Variants in TUFT1 observed in about 807,000 individuals in gnomAD.
TUFT1 encodes the protein tuftelin.
Under a neutral mutation model 57.8 loss-of-function variants are expected in TUFT1, and 43 were observed. The ratio of observed to expected loss-of-function variants is 0.74; its 90% CI spans 0.58 to 0.96. The LOEUF is 0.96. TUFT1 is among the 40% of genes least tolerant of loss of function. The pLI is 0.00. For synonymous variants in TUFT1, 166 were observed against 176.7 expected (o/e 0.94, Z 0.48); for missense variants, 459 against 489.0 (o/e 0.94, Z 0.58).
chr1:151,575,869 G>A lies in TUFT1; in HGVS notation c.818+864G>A, dbSNP rs199906432. Among the ~76,000 whole-genome samples the A allele has an allele frequency of 7.9e-5, 12 of 152,174 alleles. No homozygotes were observed. In the East Asian group the frequency reaches 2.3e-3, roughly 29 times the overall value. On this transcript the variant is annotated intron_variant, in intron 9 of 12. Coordinates refer to ENST00000368849, the MANE Select transcript of TUFT1 (RefSeq NM_020127.3). ...CTTGGAGGCATTTTCTCTCCTTTAG[G>A]ATAACCTAGATTTGACCTTCCTGGC... is the stretch of plus-strand genomic sequence containing the variant.
rs1011658103 is a variant in TUFT1 at position 151,575,052 on chromosome 1, G to T, written c.818+47G>T. ...ACGGTGAAGTTGGGTTGCAGGGAGG[G>T]GAGGGCAGGCCATACAGCCTGTTGC... is the stretch of plus-strand genomic sequence containing the variant. On this transcript the variant is annotated intron_variant, in intron 9 of 12. Transcript: ENST00000368849. 7.9e-6 allele frequency: 12 copies of T among 1,512,746 alleles called. No individual in the cohort carries two copies. In the Admixed American group the frequency reaches 2.4e-4, roughly 30 times the overall value. 93.7% of individuals were successfully genotyped at this position (1,512,746 alleles called of 1,614,324 possible).
chr1:151,564,621 G>A lies in TUFT1; in HGVS notation c.414+7G>A. 2 of 1,612,836 alleles carry A rather than the reference G, an allele frequency of 1.2e-6. No individual in the cohort carries two copies. The highest frequency in any genetic ancestry group is 1.7e-6 in the Non-Finnish European group (2 of 1,178,902). On this transcript the variant is annotated splice_region_variant and intron_variant, in intron 5 of 12. Coordinates refer to ENST00000368849, the MANE Select transcript of TUFT1 (RefSeq NM_020127.3). ...CCATCGACAGGAGATACAGGTAATA[G>A]GAAATGGTCCATGGTTGGGTCCCCA...
chr1:151,572,263 AT>A (rs1666276850), intron 7 of TUFT1, among the ~76,000 whole-genome samples: 1 of 152,136 alleles, frequency 6.6e-6, no homozygotes, highest in African/African-American at 2.4e-5. Flanking sequence ...TCCTCGGGTC[AT>A]TCCCACTGTT....
chr1:151,544,136 C>A (rs1401398069), intron 1 of TUFT1, among the ~76,000 whole-genome samples: 4 of 151,990 alleles, frequency 2.6e-5, no homozygotes, highest in African/African-American at 9.7e-5. Flanking sequence ...GCATACTCAA[C>A]ATGTTTAGCT....
chr1:151,561,189 G>A (rs932085905), intron 1 of TUFT1, among the ~76,000 whole-genome samples: 6 of 151,930 alleles, frequency 3.9e-5, no homozygotes, highest in South Asian at 2.1e-4. Flanking sequence ...TAGTAGAGAC[G>A]GGGTTTCACT....
intron 1 of TUFT1, among the ~76,000 whole-genome samples, chr1:151,550,794 G>C (rs1665483974): frequency 6.6e-6 from 1 of 152,188 alleles, no homozygotes; most frequent in South Asian, 2.1e-4. Context: ...CAGGCACGGT[G>C]GTGCACGCCT....
At chr1:151,550,531 G>A (rs1458375150) in intron 1 of TUFT1, among the ~76,000 whole-genome samples, 4 of 151,996 alleles carry the variant, frequency 2.6e-5, no homozygotes, top group Non-Finnish European at 5.9e-5. Context: ...TTTCAGTGGA[G>A]ACGGGGTTTC....
chr1:151,580,603 A>T (rs1202234297), intron 11 of TUFT1, among the ~76,000 whole-genome samples: 7 of 149,122 alleles, frequency 4.7e-5, no homozygotes, highest in Non-Finnish European at 8.9e-5. Context: ...TCGAGGCTGC[A>T]GTGAGCTATA....
intron 1 of TUFT1, among the ~76,000 whole-genome samples, chr1:151,549,580 T>G (rs1036713535): frequency 3.9e-5 from 6 of 152,228 alleles, no homozygotes; most frequent in Non-Finnish European, 8.8e-5. Flanking sequence ...TTCTTGCACA[T>G]CTATCTACTC....
chr1:151,546,786 T>G (rs1387936089), intron 1 of TUFT1, among the ~76,000 whole-genome samples: 1 of 152,188 alleles, frequency 6.6e-6, no homozygotes, highest in Non-Finnish European at 1.5e-5. Flanking sequence ...TGGTGGACAT[T>G]TGGGTTCTTT....
At chr1:151,553,337 A>G (rs72997974) in intron 1 of TUFT1, among the ~76,000 whole-genome samples, 2,538 of 152,190 alleles carry the variant, frequency 0.017, 84 homozygotes, top group African/African-American at 0.058. Flanking sequence ...TGATCTGCCC[A>G]CGCCTCCCAA....
At chr1:151,543,846 G>A (rs1312849146) in intron 1 of TUFT1, among the ~76,000 whole-genome samples, 1 of 152,176 alleles carries the variant, frequency 6.6e-6, no homozygotes, top group Non-Finnish European at 1.5e-5. Flanking sequence ...AAAGACCCAA[G>A]TGTTGTTATC....
Position 151,557,632 on chromosome 1 carries a change from T to C in TUFT1, c.61-4459T>C, listed in dbSNP as rs377133779. ...AGGCTACGTGAAGGAACAGTTTGCC[T>C]GGAGACATTTCCACTGGTACGTTAC... On this transcript the variant is annotated intron_variant, in intron 1 of 12. Transcript: ENST00000368849. 997 of 1,044,940 alleles carry C rather than the reference T, an allele frequency of 9.5e-4. 2 individuals are homozygous for C. Among genetic ancestry groups the C allele is most frequent in the Non-Finnish European group, 1.3e-3 (870 of 662,962 alleles). 64.7% of individuals were successfully genotyped at this position (1,044,940 alleles called of 1,614,324 possible).
chr1:151,571,451 A>G (rs1373460715), intron 7 of TUFT1, among the ~76,000 whole-genome samples: 2 of 152,208 alleles, frequency 1.3e-5, no homozygotes, highest in South Asian at 4.1e-4. Context: ...CTTAGCAATC[A>G]GTTTAACAAG....
intron 6 of TUFT1, 47 bp downstream of exon 6, chr1:151,566,275 G>A (rs1488546598): frequency 2.0e-6 from 3 of 1,501,824 alleles, no homozygotes; most frequent in South Asian, 1.2e-5. Context: ...CCAGGGGCAG[G>A]ATTGCCTCCT....
chr1:151,571,983 G>T (rs1352654126), intron 7 of TUFT1, among the ~76,000 whole-genome samples: 6 of 151,904 alleles, frequency 3.9e-5, no homozygotes. Context: ...AAGGCAGGAG[G>T]ATCCTTGAGC....
intron 6 of TUFT1, among the ~76,000 whole-genome samples, chr1:151,567,020 G>A (rs188852277): frequency 1.3e-5 from 2 of 151,806 alleles, no homozygotes; most frequent in African/African-American, 4.8e-5. Context: ...CGGGGTTCAA[G>A]CAATCCTCCC....
chr1:151,561,095 G>A (rs1242097431), intron 1 of TUFT1, among the ~76,000 whole-genome samples: 1 of 151,692 alleles, frequency 6.6e-6, no homozygotes, highest in Non-Finnish European at 1.5e-5. Flanking sequence ...CCGGGTTCAC[G>A]CCATTCTGCT....
At chr1:151,553,299 C>T (rs1308760062) in intron 1 of TUFT1, among the ~76,000 whole-genome samples, 1 of 152,146 alleles carries the variant, frequency 6.6e-6, no homozygotes, top group Non-Finnish European at 1.5e-5. Context: ...GCCATGTTGG[C>T]CAGGCTGGTC....
Sources: allele counts gnomAD v4.1 joint callset (sites outside exome capture counted in the v4.1 genomes callset), GRCh38; gene constraint gnomAD v4.1.1; transcripts MANE v1.5; gene names NCBI Gene and HGNC (gene_info 2026-07-23, HGNC 2026-07-21).